KLF12: variants seen among roughly 807,000 people sequenced by gnomAD.
KLF12 encodes Krueppel-like factor 12.
KLF12 carries 9 observed loss-of-function variants against 37.8 expected under a neutral mutation model. That is an observed-to-expected ratio of 0.24 (90% confidence interval 0.14 to 0.42). KLF12 has a LOEUF of 0.42. Ranked by LOEUF, KLF12 falls within the 10% of genes least tolerant of loss-of-function variation. The pLI is 1.00. For missense variants in KLF12, 411 were observed against 516.0 expected (o/e 0.80, Z 1.97); for synonymous variants, 208 against 202.1 (o/e 1.03, Z -0.25).
In KLF12 at chr13:73,963,164, A is replaced by C. The variant is rs144291738; in HGVS notation, c.34-19094T>G. Reference sequence around the variant, plus strand: ...CTTATTAAATAAAAGATTAAAATACAATTAAATAAAGCATAGTCATTTTGT... The same window carrying C: ...CTTATTAAATAAAAGATTAAAATACCATTAAATAAAGCATAGTCATTTTGT... On this transcript the variant is annotated intron_variant, in intron 2 of 7. Coordinates refer to ENST00000377669, the MANE Select transcript of KLF12 (RefSeq NM_007249.5). Among the ~76,000 whole-genome samples the C allele has an allele frequency of 8.0e-3, 1,212 of 152,288 alleles. 19 individuals carry two copies. Among genetic ancestry groups the C allele is most frequent in the African/African-American group, 0.028 (1,164 of 41,550 alleles).
chr13:73,710,541 A>G (rs1490177675), intron 7 of KLF12, among the ~76,000 whole-genome samples: 2 of 152,086 alleles, frequency 1.3e-5, no homozygotes, highest in Admixed American at 1.3e-4. Flanking sequence ...AATATTTCAA[A>G]CTTTTAAATT....
At chr13:74,025,051 C>G (rs1273623351) in intron 1 of KLF12, among the ~76,000 whole-genome samples, 1 of 152,180 alleles carries the variant, frequency 6.6e-6, no homozygotes, top group Non-Finnish European at 1.5e-5. Flanking sequence ...CTCTCACAGA[C>G]TCATTCAGGT....
At chr13:74,003,022 A>G (rs962030333) in intron 1 of KLF12, among the ~76,000 whole-genome samples, 17 of 152,220 alleles carry the variant, frequency 1.1e-4, no homozygotes, top group African/African-American at 4.1e-4. Context: ...ACTTTTACAT[A>G]TATTATTTAA....
At chr13:73,739,719 G>T (rs960322025) in intron 6 of KLF12, among the ~76,000 whole-genome samples, 1 of 102,368 alleles carries the variant, frequency 9.8e-6, no homozygotes, top group Non-Finnish European at 2.4e-5. Flanking sequence ...GTTCACAATT[G>T]TTGGCCATTA....
the KLF12 span, among the ~76,000 whole-genome samples, chr13:74,180,270 T>G: frequency 6.6e-6 from 1 of 152,244 alleles, no homozygotes; most frequent in Non-Finnish European, 1.5e-5. Context: ...TGAGTTGGTT[T>G]GCTGAATTTA....
intron 3 of KLF12, among the ~76,000 whole-genome samples, chr13:73,869,478 CA>C (rs1886359449): frequency 6.6e-6 from 1 of 151,900 alleles, no homozygotes; most frequent in African/African-American, 2.4e-5. Context: ...TTGTAAATTC[CA>C]ACAAGTATAG....
chr13:73,988,476 C>T (rs963404551), intron 2 of KLF12, among the ~76,000 whole-genome samples: 1 of 152,172 alleles, frequency 6.6e-6, no homozygotes, highest in Non-Finnish European at 1.5e-5. Context: ...ATAATAAATG[C>T]TAAATATATG....
chr13:73,702,218 A>G (rs1218133917), intron 7 of KLF12, among the ~76,000 whole-genome samples: 1 of 152,312 alleles, frequency 6.6e-6, no homozygotes, highest in East Asian at 1.9e-4. Flanking sequence ...TTTTCTTGAA[A>G]TAACCAACTG....
At chr13:73,944,390 T>C (rs1420762270) in intron 2 of KLF12, among the ~76,000 whole-genome samples, 1 of 152,172 alleles carries the variant, frequency 6.6e-6, no homozygotes, top group Admixed American at 6.5e-5. Context: ...TTCACAATAG[T>C]GGAAGGAAAC....
chr13:73,845,792 G>A (rs1179055516), intron 4 of KLF12, 35 bp downstream of exon 4: 4 of 1,581,250 alleles, frequency 2.5e-6, no homozygotes, highest in South Asian at 2.3e-5. Context: ...CACCTCTAGT[G>A]CTGAAATAAA....
chr13:74,183,779 A>G, the KLF12 span, among the ~76,000 whole-genome samples: 2 of 152,094 alleles, frequency 1.3e-5, no homozygotes, highest in East Asian at 3.9e-4. Flanking sequence ...CTACAAAAAA[A>G]TGCAAAAATT....
chr13:74,017,646 T>C (rs1379060256), intron 1 of KLF12, among the ~76,000 whole-genome samples: 1 of 127,894 alleles, frequency 7.8e-6, no homozygotes, highest in Non-Finnish European at 1.6e-5. Context: ...AATAGAAAAA[T>C]ATGAAGGAAA....
the KLF12 span, among the ~76,000 whole-genome samples, chr13:74,205,177 A>G: frequency 1.3e-5 from 2 of 152,146 alleles, no homozygotes; most frequent in South Asian, 4.1e-4. Context: ...CCCTAAGGAC[A>G]TAGACTGATA....
intron 3 of KLF12, among the ~76,000 whole-genome samples, chr13:73,929,629 C>T (rs960367148): frequency 2.0e-5 from 3 of 152,156 alleles, no homozygotes; most frequent in African/African-American, 7.2e-5. Flanking sequence ...AGAGAATCAG[C>T]CAGGAACAAC....
intron 1 of KLF12, among the ~76,000 whole-genome samples, chr13:74,126,518 C>A (rs2139006416): frequency 6.6e-6 from 1 of 152,222 alleles, no homozygotes; most frequent in Admixed American, 6.5e-5. Flanking sequence ...AATAAAGATT[C>A]ATCACTTTCA....
intron 6 of KLF12, among the ~76,000 whole-genome samples, chr13:73,748,273 A>G (rs1472709451): frequency 1.3e-5 from 2 of 152,210 alleles, no homozygotes; most frequent in African/African-American, 4.8e-5. Context: ...AGAAGTTGGT[A>G]TTTTAATAAA....
chr13:74,097,559 G>A (rs992919968), intron 1 of KLF12, among the ~76,000 whole-genome samples: 1 of 152,078 alleles, frequency 6.6e-6, no homozygotes, highest in African/African-American at 2.4e-5. Context: ...AAGATCCAAA[G>A]ACTTCATATG....
At chr13:73,864,614 A>C (rs549183536) in intron 3 of KLF12, among the ~76,000 whole-genome samples, 11 of 152,232 alleles carry the variant, frequency 7.2e-5, no homozygotes, top group African/African-American at 2.4e-4. Context: ...ATTGACTATA[A>C]ATCCAAAATA....
chr13:73,814,221 TG>T (rs1292194423), intron 4 of KLF12, among the ~76,000 whole-genome samples: 1 of 152,184 alleles, frequency 6.6e-6, no homozygotes, highest in African/African-American at 2.4e-5. Flanking sequence ...TTAAATTGTA[TG>T]GCTGCCTAAG....
Sources: allele counts gnomAD v4.1 joint callset (sites outside exome capture counted in the v4.1 genomes callset), GRCh38; gene constraint gnomAD v4.1.1; transcripts MANE v1.5; gene names NCBI Gene and HGNC (gene_info 2026-07-23, HGNC 2026-07-21).